The following LPXN variants were observed in gnomAD, a reference collection of about 807,000 sequenced individuals.
LPXN encodes the protein leupaxin.
Under a neutral mutation model 45.6 loss-of-function variants are expected in LPXN, and 28 were observed. That is an observed-to-expected ratio of 0.61 (90% CI 0.45 to 0.84). The LOEUF (loss-of-function observed/expected upper bound fraction) is 0.84, where lower values mean the gene tolerates loss of function less well. LPXN is among the 40% of genes least tolerant of loss of function. The pLI is 0.00. For synonymous variants in LPXN, 166 were observed against 169.9 expected (o/e 0.98, Z 0.18); for missense variants, 459 against 475.0 (o/e 0.97, Z 0.31).
chr11:58,554,779 G>T, intron 4 of LPXN, 62 bp downstream of exon 4: 5 of 1,263,304 alleles, frequency 4.0e-6, no homozygotes, highest in Non-Finnish European at 5.6e-6. Context: ...TGACCCCATG[G>T]GCCCTGTTTA....
At chr11:58,538,278 G>A (rs1187511075) in intron 7 of LPXN, among the ~76,000 whole-genome samples, 1 of 152,094 alleles carries the variant, frequency 6.6e-6, no homozygotes, top group Non-Finnish European at 1.5e-5. Context: ...AGTCCTTTGG[G>A]TATATACCCA....
rs546336416 is a variant in LPXN, at chr11:58,568,118, G to A, written c.171+2438C>T. 2.6e-5 allele frequency among the ~76,000 whole-genome samples: 4 copies of A among 152,240 alleles called. No individual in the cohort carries two copies. The South Asian group carries it at 6.2e-4, about 24-fold the overall frequency. On this transcript the variant is annotated intron_variant, in intron 2 of 8. Transcript: ENST00000395074. ...TGGTGGTTCACAAAGTGGCCAGCAG[G>A]GGGAAAAGCCTCAGAAATTCTTCTG... is the stretch of plus-strand genomic sequence containing the variant.
At chr11:58,537,887 G>C (rs573320726) in intron 7 of LPXN, among the ~76,000 whole-genome samples, 152 of 148,748 alleles carry the variant, frequency 1.0e-3, no homozygotes, top group African/African-American at 3.6e-3. Flanking sequence ...TCGTCATTTA[G>C]CATTAGGTAT....
At chr11:58,565,847 A>C (rs1310001619) in intron 2 of LPXN, among the ~76,000 whole-genome samples, 2 of 151,626 alleles carry the variant, frequency 1.3e-5, no homozygotes, top group East Asian at 2.0e-4. Context: ...AATACAAAAA[A>C]ATTTGCCAGG....
rs181879195 is a variant in LPXN, at chr11:58,555,073, A to T, written c.219-133T>A. On this transcript the variant is annotated intron_variant, in intron 3 of 8. Transcript: ENST00000395074. ...TGAAGCTAAAATCAGAGATGGGGGT[A>T]TTTTAAAAATATATTAATATGTACT... 7 of 587,290 alleles carry T rather than the reference A, an allele frequency of 1.2e-5. No homozygotes were observed. The African/African-American group carries it at 1.3e-4, about 11-fold the overall frequency. 36.4% of individuals were successfully genotyped at this position (587,290 alleles called of 1,614,324 possible). A position where few individuals can be genotyped will look rare whatever the true frequency, so the allele number is the denominator to read the frequency against.
At chr11:58,572,048 G>T (rs1430693543) in intron 1 of LPXN, among the ~76,000 whole-genome samples, 1 of 152,104 alleles carries the variant, frequency 6.6e-6, no homozygotes, top group African/African-American at 2.4e-5. Context: ...GATTAGAACA[G>T]TATTTTTCAA....
chr11:58,571,308 C>G (rs1255173198), intron 1 of LPXN, among the ~76,000 whole-genome samples: 1 of 151,842 alleles, frequency 6.6e-6, no homozygotes, highest in Non-Finnish European at 1.5e-5. Flanking sequence ...CACACTCCAG[C>G]AGCCTGGGCC....
intron 1 of LPXN, among the ~76,000 whole-genome samples, chr11:58,574,495 C>A (rs191529269): frequency 2.6e-4 from 40 of 152,106 alleles, no homozygotes; most frequent in Non-Finnish European, 5.4e-4. Context: ...CTAGTTTTTG[C>A]TTGATTTACT....
chr11:58,578,483 C>T (rs375092755), upstream of LPXN, among the ~76,000 whole-genome samples: 7 of 152,278 alleles, frequency 4.6e-5, no homozygotes, highest in South Asian at 1.5e-3. Context: ...TCCGTTTTGC[C>T]GCCGCCATTT....
At chr11:58,543,186 T>A (rs1345639217) in intron 7 of LPXN, among the ~76,000 whole-genome samples, 1 of 152,156 alleles carries the variant, frequency 6.6e-6, no homozygotes, top group African/African-American at 2.4e-5. Flanking sequence ...AATACATTAA[T>A]CATGAGGGCA....
rs189630883 is a variant in LPXN, at chr11:58,542,018, C to T, written c.742+7768G>A. ...GAACACATGGACACAGGAAGGGGAA[C>T]GTCACACTCTGAGGACTGTTGTGGG... On this transcript the variant is annotated intron_variant, in intron 7 of 8. Coordinates refer to ENST00000395074, the MANE Select transcript of LPXN (RefSeq NM_004811.3). Among the ~76,000 whole-genome samples the T allele has an allele frequency of 3.4e-3, 509 of 150,612 alleles. 4 individuals are homozygous for T. Among genetic ancestry groups the T allele is most frequent in the African/African-American group, 0.012 (484 of 40,934 alleles).
Position 58,542,770 on chromosome 11 carries a change from T to G in LPXN, c.742+7016A>C, listed in dbSNP as rs551059938. Reference sequence around the variant, plus strand: ...GAAACAACATGGAGAAATGCTTAAGTATAAAAAAAGAATTTTAGGCACACA... The same window carrying G: ...GAAACAACATGGAGAAATGCTTAAGGATAAAAAAAGAATTTTAGGCACACA... On this transcript the variant is annotated intron_variant, in intron 7 of 8. Coordinates refer to ENST00000395074, the MANE Select transcript of LPXN (RefSeq NM_004811.3). Among the ~76,000 whole-genome samples, 5 of 152,116 alleles carry G rather than the reference T, an allele frequency of 3.3e-5. No individual in the cohort carries two copies. In the South Asian group the frequency reaches 1.0e-3, roughly 31 times the overall value.
In LPXN at chr11:58,550,069, A is replaced by T; in HGVS notation, c.564T>A (p.Ser188Arg). 6.2e-7 allele frequency: 1 copy of T among 1,614,152 alleles called. No individual in the cohort carries two copies. The highest frequency in any genetic ancestry group is 8.5e-7 in the Non-Finnish European group (1 of 1,180,024). The change falls in exon 6 of 9, where the codon AGT (serine) becomes AGA (arginine). Residue 188 changes from serine (S) to arginine (R), a missense_variant. Ser to Arg is a moderately radical substitution (Grantham distance 110). Transcript: ENST00000395074. ...CTHCKEEIGS[S>R]PFFERSGLAY... Reference sequence around the variant, plus strand: ...CCAAGCCACTCCGCTCAAAGAAGGGACTGGAGCCAATCTCTTCTTTGCAAT... The same window carrying T: ...CCAAGCCACTCCGCTCAAAGAAGGGTCTGGAGCCAATCTCTTCTTTGCAAT...
At chr11:58,531,977 C>T (rs891633434) in intron 7 of LPXN, among the ~76,000 whole-genome samples, 3 of 152,246 alleles carry the variant, frequency 2.0e-5, no homozygotes, top group African/African-American at 4.8e-5. Flanking sequence ...ACTGGGGCTG[C>T]ATGCGGTGCT....
intron 7 of LPXN, among the ~76,000 whole-genome samples, chr11:58,545,491 A>C (rs1182596404): frequency 1.3e-5 from 2 of 152,192 alleles, no homozygotes; most frequent in Admixed American, 1.3e-4. Context: ...ATTTAAGATG[A>C]TTTGGATTAA....
chr11:58,577,690 A>G (rs1004147485), upstream of LPXN, among the ~76,000 whole-genome samples: 1 of 152,060 alleles, frequency 6.6e-6, no homozygotes, highest in Non-Finnish European at 1.5e-5. Flanking sequence ...TAAAGTTGCT[A>G]TTGTATAAAC....
chr11:58,567,366 AAAAC>A (rs1386178168), intron 2 of LPXN, among the ~76,000 whole-genome samples: 3 of 152,236 alleles, frequency 2.0e-5, no homozygotes, highest in African/African-American at 7.2e-5. Context: ...AATTAGATAA[AAAAC>A]AAAATTGAAA....
upstream of LPXN, among the ~76,000 whole-genome samples, chr11:58,577,146 C>A (rs866039397): frequency 2.6e-5 from 4 of 151,034 alleles, no homozygotes; most frequent in Middle Eastern, 6.8e-3. Context: ...ACTGTCTGTA[C>A]ATTTTTTTTT....
At chr11:58,558,540 C>CAAAAAAAAAAAAAAA (rs35870490) in intron 3 of LPXN, among the ~76,000 whole-genome samples, 1 of 47,998 alleles carries the variant, frequency 2.1e-5, no homozygotes, top group Non-Finnish European at 4.2e-5. Context: ...GAGACCCTGT[C>CAAAAAAAAAAAAAAA]AAAAAAAAAA....
Sources: gnomAD v4.1 joint callset for allele counts (sites outside exome capture counted in the v4.1 genomes callset) on GRCh38, gnomAD v4.1.1 for gene constraint, MANE v1.5 for transcripts, NCBI Gene and HGNC (gene_info 2026-07-23, HGNC 2026-07-21) for gene names.